IKZF1: variants seen among roughly 807,000 people sequenced by gnomAD.
The protein encoded by IKZF1 is DNA-binding protein Ikaros.
In IKZF1, 10 loss-of-function variants were observed where a neutral mutation model predicts 51.7. The ratio of observed to expected loss-of-function variants is 0.19; its 90% CI spans 0.12 to 0.33. The LOEUF (loss-of-function observed/expected upper bound fraction) is 0.33, where lower values mean the gene tolerates loss of function less well. IKZF1 is among the 10% of genes least tolerant of loss of function. IKZF1 has a pLI of 1.00. For synonymous variants in IKZF1, 280 were observed against 282.3 expected, an observed-to-expected ratio of 0.99 and a Z score of 0.08; for missense variants, 484 against 707.5, an observed-to-expected ratio of 0.68 and a Z score of 3.58.
chr7:50,324,262 C>T lies in IKZF1; in HGVS notation c.41-3376C>T, dbSNP rs146263286. On this transcript the variant is annotated intron_variant, in intron 2 of 7. Coordinates refer to ENST00000331340, the MANE Select transcript of IKZF1 (RefSeq NM_006060.6). ...GAGGGGCCCTGGGTACAGAGGCTCA[C>T]GTGAGGGATGAAAGTCTCAGCAGCC... Among the ~76,000 whole-genome samples, 442 of 152,252 alleles carry T rather than the reference C, an allele frequency of 2.9e-3. 11 individuals carry two copies. The highest frequency in any genetic ancestry group is 9.7e-4 in the Non-Finnish European group (66 of 68,024).
chr7:50,367,754 C>T lies in IKZF1; in HGVS notation c.161-8779C>T, dbSNP rs951803455. The stretch of plus-strand genomic sequence containing the variant: ...GCACCCTCTAAGATGTTGAACCCAT[C>T]AGTAATTGCTCCAAACCACTTTATG... On this transcript the variant is annotated intron_variant, in intron 3 of 7. Transcript: ENST00000331340. 6 of 452,198 alleles carry T rather than the reference C, an allele frequency of 1.3e-5. No individual in the cohort carries two copies. The Admixed American group carries it at 2.4e-4, about 18-fold the overall frequency. The allele number at this position is 452,198 out of a possible 1,614,324, so 28.0% of individuals were successfully genotyped here. A position where few individuals can be genotyped will look rare whatever the true frequency, so the allele number is the denominator to read the frequency against.
chr7:50,382,749 G>A (rs776724245), intron 5 of IKZF1, 42 bp downstream of exon 5: 24 of 1,567,246 alleles, frequency 1.5e-5, no homozygotes, highest in African/African-American at 5.4e-5. Flanking sequence ...TGGGTGTCCC[G>A]GGATTCCTCC....
At chr7:50,397,189 T>C (rs966962240) in intron 7 of IKZF1, among the ~76,000 whole-genome samples, 1 of 152,232 alleles carries the variant, frequency 6.6e-6, no homozygotes, top group African/African-American at 2.4e-5. Flanking sequence ...TGTTTCTTTC[T>C]AGTCTTTGAG....
chr7:50,334,704 TATGTGTATGGG>T (rs1797226159), intron 3 of IKZF1, among the ~76,000 whole-genome samples: 1 of 151,300 alleles, frequency 6.6e-6, no homozygotes, highest in African/African-American at 2.4e-5. Flanking sequence ...GTGGTCTGTA[TATGTGTATGGG>T]ATGTGTGGTG....
intron 1 of IKZF1, among the ~76,000 whole-genome samples, chr7:50,315,086 C>A (rs1394994557): frequency 6.6e-6 from 1 of 152,228 alleles, no homozygotes; most frequent in Admixed American, 6.5e-5. Flanking sequence ...GGCTCCTAGT[C>A]CGGCTTCTGC....
intron 3 of IKZF1, among the ~76,000 whole-genome samples, chr7:50,341,868 G>A (rs2153416898): frequency 6.6e-6 from 1 of 151,438 alleles, no homozygotes; most frequent in East Asian, 1.9e-4. Flanking sequence ...TTTCAATTTG[G>A]GTTGGTCACA....
intron 3 of IKZF1, among the ~76,000 whole-genome samples, chr7:50,364,262 G>T (rs1806147457): frequency 1.3e-5 from 2 of 152,156 alleles, no homozygotes; most frequent in African/African-American, 4.8e-5. Context: ...AGTGTGGTTT[G>T]TGGGTATTTC....
intron 1 of IKZF1, among the ~76,000 whole-genome samples, chr7:50,314,681 G>A (rs1280006235): frequency 6.6e-6 from 1 of 152,222 alleles, no homozygotes; most frequent in East Asian, 1.9e-4. Flanking sequence ...ACTGTGAAGA[G>A]AGGTATTCAC....
intron 3 of IKZF1, among the ~76,000 whole-genome samples, chr7:50,343,064 T>C (rs996527532): frequency 1.3e-5 from 2 of 151,848 alleles, no homozygotes; most frequent in African/African-American, 4.8e-5. Context: ...TTTTTAATTT[T>C]CCTCCTTTCT....
At chr7:50,318,680 T>C (rs527443553) in intron 1 of IKZF1, 5 of 234,330 alleles carry the variant, frequency 2.1e-5, no homozygotes, top group Non-Finnish European at 3.3e-5. Flanking sequence ...AGAAAGAACA[T>C]AACTATGGAT....
At chr7:50,359,006 T>A (rs1804396535) in intron 3 of IKZF1, among the ~76,000 whole-genome samples, 1 of 152,172 alleles carries the variant, frequency 6.6e-6, no homozygotes, top group Non-Finnish European at 1.5e-5. Flanking sequence ...ACACGTGTAA[T>A]CCCAGCACTT....
At chr7:50,395,672 C>T (rs1309118195) in intron 7 of IKZF1, among the ~76,000 whole-genome samples, 2 of 151,466 alleles carry the variant, frequency 1.3e-5, no homozygotes, top group East Asian at 1.9e-4. Context: ...AGGATCAGAC[C>T]CTGCCCTTTT....
Position 50,390,792 on chromosome 7 carries a change from G to A in IKZF1, c.716-937G>A, listed in dbSNP as rs1814822567. Among the ~76,000 whole-genome samples the A allele has an allele frequency of 2.6e-5, 4 of 152,222 alleles. No homozygotes were observed. The South Asian group carries it at 8.3e-4, about 32-fold the overall frequency. On this transcript the variant is annotated intron_variant, in intron 6 of 7. Transcript: ENST00000331340. ...TGATGTATGAAAATGTAGCTGAAAT[G>A]GATGGAACTCTTTGAAGAATAGACA... is the stretch of plus-strand genomic sequence containing the variant.
At chr7:50,362,449 G>A (rs1805547221) in intron 3 of IKZF1, among the ~76,000 whole-genome samples, 1 of 152,204 alleles carries the variant, frequency 6.6e-6, no homozygotes, top group Non-Finnish European at 1.5e-5. Context: ...CAAAGCACTA[G>A]CCCTATTGTT....
intron 2 of IKZF1, among the ~76,000 whole-genome samples, chr7:50,325,886 T>A (rs1397722695): frequency 6.6e-6 from 1 of 152,242 alleles, no homozygotes; most frequent in African/African-American, 2.4e-5. Context: ...TCTGGCCTTT[T>A]GTTTTTCCTT....
chr7:50,307,929 A>G (rs1789203493), intron 1 of IKZF1, among the ~76,000 whole-genome samples: 1 of 152,172 alleles, frequency 6.6e-6, no homozygotes, highest in Non-Finnish European at 1.5e-5. Context: ...GTGCTGACTG[A>G]ACACTCATGC....
At chr7:50,362,560 G>A (rs768255724) in intron 3 of IKZF1, among the ~76,000 whole-genome samples, 4 of 152,170 alleles carry the variant, frequency 2.6e-5, no homozygotes, top group African/African-American at 4.8e-5. Context: ...CTTTATCTGC[G>A]TGTGGCTTTC....
intron 7 of IKZF1, among the ~76,000 whole-genome samples, chr7:50,398,798 C>T (rs868458124): frequency 6.6e-6 from 1 of 152,176 alleles, no homozygotes; most frequent in Middle Eastern, 3.2e-3. Context: ...CATTAATGTA[C>T]CACTGCTGAA....
At chr7:50,388,665 G>A (rs529192167) in intron 6 of IKZF1, 2 of 152,284 alleles carry the variant, frequency 1.3e-5, no homozygotes, top group South Asian at 4.1e-4. Flanking sequence ...GAAGGTGAGT[G>A]GAAGAGAAGA....
Sources: allele counts gnomAD v4.1 joint callset (sites outside exome capture counted in the v4.1 genomes callset), GRCh38; gene constraint gnomAD v4.1.1; transcripts MANE v1.5; gene names NCBI Gene and HGNC (gene_info 2026-07-23, HGNC 2026-07-21).